The following ZSCAN5A variants were observed in gnomAD, a reference collection of about 807,000 sequenced individuals.
ZSCAN5A encodes zinc finger and SCAN domain-containing protein 5A.
ZSCAN5A carries 12 observed loss-of-function variants against 23.7 expected under a neutral mutation model. The observed-to-expected ratio is 0.51, with a 90% CI of 0.32 to 0.82. The LOEUF is 0.82. ZSCAN5A is among the 40% of genes least tolerant of loss of function. The pLI, the probability that ZSCAN5A is intolerant of heterozygous loss-of-function variation, is 0.03. For missense variants in ZSCAN5A, 597 were observed against 617.9 expected, an observed-to-expected ratio of 0.97 and a Z score of 0.36; for synonymous variants, 257 against 239.9, an observed-to-expected ratio of 1.07 and a Z score of -0.66.
At chr19:56,335,669 C>T (rs1439822845) in intron 2 of ZSCAN5A, among the ~76,000 whole-genome samples, 3 of 152,184 alleles carry the variant, frequency 2.0e-5, no homozygotes, top group Non-Finnish European at 4.4e-5. Flanking sequence ...GATGCAGTTT[C>T]TTCCTAGCCT....
chr19:56,255,357 G>A (rs2036624492), intron 2 of ZSCAN5A, among the ~76,000 whole-genome samples: 1 of 152,130 alleles, frequency 6.6e-6, no homozygotes, highest in Non-Finnish European at 1.5e-5. Context: ...GGGAAGCTAT[G>A]GATTTGCCTG....
intron 2 of ZSCAN5A, chr19:56,320,125 C>T (rs1292650833): frequency 1.2e-5 from 9 of 760,598 alleles, no homozygotes; most frequent in Non-Finnish European, 2.2e-5. Context: ...CATCTGTTAA[C>T]TGTTCTGATC....
At chr19:56,324,641 CAAAA>C (rs35806754) in intron 2 of ZSCAN5A, among the ~76,000 whole-genome samples, 2 of 81,806 alleles carry the variant, frequency 2.4e-5, no homozygotes. Flanking sequence ...TGTACATGTT[CAAAA>C]AAAAAAAAAA....
intron 1 of ZSCAN5A, among the ~76,000 whole-genome samples, chr19:56,366,225 CG>C (rs2041763766): frequency 6.6e-6 from 1 of 152,004 alleles, no homozygotes; most frequent in African/African-American, 2.4e-5. Flanking sequence ...GGGCGGATCA[CG>C]AGGTCAGAGA....
At chr19:56,245,504 T>TGAGAGATTTGGCACAGGACAAGAACA in intron 2 of ZSCAN5A, 1 of 423,536 alleles carries the variant, frequency 2.4e-6, no homozygotes, top group Non-Finnish European at 4.3e-6. Context: ...CTGGACTGAT[T>TGAGAGATTTGGCACAGGACAAGAACA]GAGAGATTTG....
chr19:56,269,369 G>T (rs78504979), intron 2 of ZSCAN5A, among the ~76,000 whole-genome samples: 2 of 152,014 alleles, frequency 1.3e-5, no homozygotes, highest in African/African-American at 4.8e-5. Context: ...GGAGGAAACC[G>T]AGGCTCAGGG....
chr19:56,248,579 T>G (rs1252245844), intron 2 of ZSCAN5A, among the ~76,000 whole-genome samples: 1 of 152,144 alleles, frequency 6.6e-6, no homozygotes, highest in Non-Finnish European at 1.5e-5. Flanking sequence ...GCTTTATTAG[T>G]ATTATTTTAT....
intron 2 of ZSCAN5A, among the ~76,000 whole-genome samples, chr19:56,266,915 C>T (rs934330302): frequency 2.6e-5 from 4 of 152,142 alleles, no homozygotes; most frequent in African/African-American, 9.7e-5. Flanking sequence ...CAATCTGGCC[C>T]CTGCCTACCA....
At chr19:56,248,030 T>A (rs10406244) in intron 2 of ZSCAN5A, among the ~76,000 whole-genome samples, 138,408 of 152,210 alleles carry the variant, frequency 0.91, 63,734 homozygotes, top group Non-Finnish European at 0.99. Context: ...TTTTCAGTAT[T>A]TTATAACAAA....
intron 2 of ZSCAN5A, among the ~76,000 whole-genome samples, chr19:56,281,009 G>A (rs1028493471): frequency 3.9e-5 from 6 of 152,118 alleles, no homozygotes; most frequent in African/African-American, 1.2e-4. Flanking sequence ...ACTTAACTAC[G>A]AATAGCCTAC....
At chr19:56,332,797 T>C (rs547304763) in intron 2 of ZSCAN5A, among the ~76,000 whole-genome samples, 3 of 152,368 alleles carry the variant, frequency 2.0e-5, no homozygotes, top group South Asian at 2.1e-4. Flanking sequence ...GCAGGTATTG[T>C]TCCTTTGTTT....
intron 2 of ZSCAN5A, among the ~76,000 whole-genome samples, chr19:56,269,372 G>A (rs2037687817): frequency 6.6e-6 from 1 of 152,132 alleles, no homozygotes; most frequent in African/African-American, 2.4e-5. Context: ...GGAAACCGAG[G>A]CTCAGGGATA....
At chr19:56,246,487 C>G in intron 2 of ZSCAN5A, 2 of 636,832 alleles carry the variant, frequency 3.1e-6, no homozygotes, top group Non-Finnish European at 5.7e-6. Context: ...AGACTTGGAT[C>G]CACAGGGGTT....
rs1022154116 is a variant in ZSCAN5A, at chr19:56,351,464, C to T, written c.-358+11771G>A. Among the ~76,000 whole-genome samples the T allele has an allele frequency of 6.6e-6, 1 of 152,118 alleles. No homozygotes were observed. The highest frequency in any genetic ancestry group is 6.5e-5 in the Admixed American group (1 of 15,268). The stretch of plus-strand genomic sequence containing the variant: ...GAATAACACACCTGGTCAAGCCAAT[C>T]CTTTGGGCCCTATGCAAACCAGATA... On this transcript the variant is annotated intron_variant, in intron 2 of 6. Transcript: ENST00000587340. This position sits in a 1 kb window ranked among gnomAD's most constrained non-coding sequence, Gnocchi z 4.8.
At chr19:56,350,467 A>C (rs1002877993) in intron 2 of ZSCAN5A, among the ~76,000 whole-genome samples, 4 of 152,262 alleles carry the variant, frequency 2.6e-5, no homozygotes, top group African/African-American at 9.6e-5. Context: ...GAATTGTCAA[A>C]ATTAACGCTA....
chr19:56,316,331 C>A (rs1486402263), upstream of ZSCAN5A: 1 of 152,234 alleles, frequency 6.6e-6, no homozygotes, highest in African/African-American at 2.4e-5. Flanking sequence ...TGCTAAAATC[C>A]CGGTCAGTAG....
chr19:56,321,572 C>A, intron 2 of ZSCAN5A: 1 of 771,054 alleles, frequency 1.3e-6, no homozygotes, highest in South Asian at 1.4e-5. Flanking sequence ...CACTACCTCC[C>A]TGTCATTGAC....
chr19:56,362,248 CACAG>C (rs987405560), intron 2 of ZSCAN5A, among the ~76,000 whole-genome samples: 10 of 151,876 alleles, frequency 6.6e-5, no homozygotes, highest in African/African-American at 2.4e-4. Context: ...TTTTAAGGTT[CACAG>C]ATATACCACA....
rs199499860 is a variant in ZSCAN5A at position 56,244,328 on chromosome 19, A to G, written c.-127-19155T>C. ...GGTGATGGAGCAGTTCATGATCTCC[A>G]TGCCCCAGGAGCTCCAGGTCTTAGT... is the stretch of plus-strand genomic sequence containing the variant. On this transcript the variant is annotated intron_variant, in intron 2 of 5. Coordinates refer to ENST00000683990, the MANE Select transcript of ZSCAN5A (RefSeq NM_001322064.3). 9.5e-3 allele frequency: 15,220 copies of G among 1,606,590 alleles called. 116 individuals are homozygous for G. Among genetic ancestry groups the G allele is most frequent in the Non-Finnish European group, 0.012 (13,520 of 1,175,322 alleles).
Sources: gnomAD v4.1 joint callset for allele counts (sites outside exome capture counted in the v4.1 genomes callset) on GRCh38, gnomAD v4.1.1 for gene constraint, Gnocchi (gnomAD v3.1) non-coding constraint, MANE v1.5 for transcripts, NCBI Gene and HGNC (gene_info 2026-07-23, HGNC 2026-07-21) for gene names.